Variants in SGCG observed in about 807,000 individuals in gnomAD.
The protein encoded by SGCG is sarcoglycan gamma.
Under a neutral mutation model 29.3 loss-of-function variants are expected in SGCG, and 26 were observed. The observed-to-expected ratio is 0.89, with a 90% CI of 0.65 to 1.23. The LOEUF (loss-of-function observed/expected upper bound fraction) is 1.23. SGCG is among the 50% of genes most tolerant of loss of function. SGCG has a pLI of 0.00. For synonymous variants in SGCG, 145 were observed against 129.7 expected (o/e 1.12, Z -0.80); for missense variants, 353 against 356.0 (o/e 0.99, Z 0.07).
chr13:23,265,774 T>A (rs539607196), intron 4 of SGCG, among the ~76,000 whole-genome samples: 1 of 152,208 alleles, frequency 6.6e-6, no homozygotes, highest in African/African-American at 2.4e-5. Context: ...AAACAATAGA[T>A]GTTGATACGA....
the SGCG span, among the ~76,000 whole-genome samples, chr13:23,165,594 C>T: frequency 1.3e-5 from 2 of 150,586 alleles, no homozygotes; most frequent in African/African-American, 2.5e-5. Context: ...GCACTGTGTG[C>T]GTTCACTGCA....
At chr13:23,311,896 A>G (rs67334340) in intron 6 of SGCG, among the ~76,000 whole-genome samples, 46,020 of 151,626 alleles carry the variant, frequency 0.3, 7,482 homozygotes, top group African/African-American at 0.4. Context: ...CACTTAGGTC[A>G]GCTGACAACT....
intron 2 of SGCG, among the ~76,000 whole-genome samples, chr13:23,229,092 A>G (rs1383240832): frequency 1.3e-5 from 2 of 150,350 alleles, no homozygotes; most frequent in Non-Finnish European, 3.0e-5. Flanking sequence ...CTGGTCTTGA[A>G]CTCCTAACCT....
chr13:23,218,369 A>G (rs1345696142), intron 2 of SGCG, among the ~76,000 whole-genome samples: 3 of 152,136 alleles, frequency 2.0e-5, no homozygotes, highest in Non-Finnish European at 4.4e-5. Flanking sequence ...CACCAAATAT[A>G]CCACTGGAAC....
intron 1 of SGCG, among the ~76,000 whole-genome samples, chr13:23,190,840 T>C (rs9552868): frequency 0.61 from 92,555 of 151,892 alleles, 29,215 homozygotes; most frequent in African/African-American, 0.79. Flanking sequence ...ATTATATCAC[T>C]GACGATATTA....
rs141817569 is a variant in SGCG at position 23,209,008 on chromosome 13, T to C, written c.195+5119T>C. On this transcript the variant is annotated intron_variant, in intron 2 of 7. Transcript: ENST00000218867. ...TTTGCATATAAAATATTTTAGTGCA[T>C]TTAGTGAATGTAACTTTAGGTTATC... is the stretch of plus-strand genomic sequence containing the variant. Among the ~76,000 whole-genome samples, 271 of 152,224 alleles carry C rather than the reference T, an allele frequency of 1.8e-3. 5 individuals carry two copies. Among genetic ancestry groups the C allele is most frequent in the African/African-American group, 6.2e-3 (259 of 41,572 alleles).
intron 2 of SGCG, among the ~76,000 whole-genome samples, chr13:23,210,649 C>A (rs1485580897): frequency 2.0e-5 from 3 of 152,148 alleles, no homozygotes; most frequent in Non-Finnish European, 4.4e-5. Context: ...CGAGATCATG[C>A]CATTGCACTC....
At chr13:23,249,033 T>C (rs1258455844) in intron 3 of SGCG, among the ~76,000 whole-genome samples, 5 of 151,964 alleles carry the variant, frequency 3.3e-5, no homozygotes, top group African/African-American at 2.4e-5. Context: ...TTTTCATTTA[T>C]TTATTCCATT....
At chr13:23,188,993 A>G (rs939043265) in intron 1 of SGCG, among the ~76,000 whole-genome samples, 1 of 152,122 alleles carries the variant, frequency 6.6e-6, no homozygotes, top group African/African-American at 2.4e-5. Flanking sequence ...ATTAAATGGG[A>G]ATATGGTGGA....
chr13:23,251,451 C>T (rs9510652), intron 4 of SGCG, among the ~76,000 whole-genome samples: 122,286 of 152,052 alleles, frequency 0.8, 50,664 homozygotes, highest in East Asian at 1. Flanking sequence ...AGAAGAAATA[C>T]AGATGAAAGC....
intron 6 of SGCG, among the ~76,000 whole-genome samples, chr13:23,300,135 A>G (rs1360892242): frequency 6.6e-6 from 1 of 152,220 alleles, no homozygotes; most frequent in East Asian, 1.9e-4. Context: ...GTAAGTTATT[A>G]TTTCCACGTC....
chr13:23,287,339 G>A (rs1411967918), intron 5 of SGCG, among the ~76,000 whole-genome samples: 1 of 152,206 alleles, frequency 6.6e-6, no homozygotes, highest in Non-Finnish European at 1.5e-5. Context: ...CTCTAGAAAG[G>A]GAAAGAGGCC....
At chr13:23,226,230 A>C (rs9580577) in intron 2 of SGCG, among the ~76,000 whole-genome samples, 2 of 152,204 alleles carry the variant, frequency 1.3e-5, no homozygotes, top group Admixed American at 6.5e-5. Flanking sequence ...TATAAGAGAC[A>C]GTTAAAAGAA....
intron 4 of SGCG, among the ~76,000 whole-genome samples, chr13:23,252,656 A>G (rs947385223): frequency 1.3e-5 from 2 of 152,270 alleles, no homozygotes; most frequent in East Asian, 3.9e-4. Context: ...GCATCACTGC[A>G]CTCCAGCCTG....
chr13:23,189,631 T>C (rs1447971235), intron 1 of SGCG, among the ~76,000 whole-genome samples: 1 of 152,166 alleles, frequency 6.6e-6, no homozygotes, highest in African/African-American at 2.4e-5. Context: ...TCAACAGATA[T>C]TGGTAGGATT....
the SGCG span, chr13:23,170,086 C>G: frequency 6.6e-6 from 1 of 152,180 alleles, no homozygotes; most frequent in African/African-American, 2.4e-5. Context: ...GGAATTTGCT[C>G]TAATTAAGCC....
upstream of SGCG, among the ~76,000 whole-genome samples, chr13:23,179,117 A>G (rs771513675): frequency 2.2e-4 from 34 of 152,182 alleles, no homozygotes; most frequent in Non-Finnish European, 4.9e-4. Context: ...CACCTAAATG[A>G]CTGTTAGACT....
At chr13:23,166,225 T>TTTTG in the SGCG span, among the ~76,000 whole-genome samples, 17,668 of 151,812 alleles carry the variant, frequency 0.12, 1,169 homozygotes, top group Non-Finnish European at 0.15. Flanking sequence ...TTACCGAGAG[T>TTTTG]TTTGTTTGTT....
upstream of SGCG, among the ~76,000 whole-genome samples, chr13:23,178,816 C>T (rs766884260): frequency 9.9e-5 from 15 of 152,160 alleles, no homozygotes; most frequent in South Asian, 4.1e-4. Context: ...AGTGATCCCC[C>T]GAACCCAACC....
Sources: allele counts gnomAD v4.1 joint callset (sites outside exome capture counted in the v4.1 genomes callset), GRCh38; gene constraint gnomAD v4.1.1; transcripts MANE v1.5; gene names NCBI Gene and HGNC (gene_info 2026-07-23, HGNC 2026-07-21).